CDK6: variants seen among roughly 807,000 people sequenced by gnomAD.
CDK6 encodes the protein cyclin dependent kinase 6.
In CDK6, 6 loss-of-function variants were observed where a neutral mutation model predicts 37.1. The observed-to-expected ratio is 0.16, with a 90% confidence interval of 0.09 to 0.32. The LOEUF is 0.32. Among genes scored for constraint, CDK6 ranks in the 10% least tolerant of loss-of-function variants. The probability of loss-of-function intolerance (pLI) is 1.00; values close to 1 mark genes in which losing one functional copy is unlikely to be tolerated. For synonymous variants in CDK6, 160 were observed against 161.3 expected (o/e 0.99, Z 0.06); for missense variants, 224 against 418.9 (o/e 0.53, Z 4.06).
chr7:92,622,333 T>G (rs573130211), intron 6 of CDK6, among the ~76,000 whole-genome samples: 2 of 152,322 alleles, frequency 1.3e-5, no homozygotes, highest in South Asian at 4.1e-4. Context: ...AGAAAGGATC[T>G]TATAGAGAAT....
intron 3 of CDK6, among the ~76,000 whole-genome samples, chr7:92,768,300 T>C (rs959353270): frequency 3.9e-5 from 6 of 152,204 alleles, no homozygotes; most frequent in Admixed American, 6.5e-5. Context: ...AAAGATCTAC[T>C]ATACTGTGAG....
At chr7:92,793,239 T>C (rs1800325656) in intron 2 of CDK6, among the ~76,000 whole-genome samples, 1 of 152,068 alleles carries the variant, frequency 6.6e-6, no homozygotes, top group South Asian at 2.1e-4. Context: ...TAGTAAAAAT[T>C]GACAAGCTGA....
chr7:92,745,705 G>T (rs1799041267), intron 3 of CDK6, among the ~76,000 whole-genome samples: 2 of 152,148 alleles, frequency 1.3e-5, no homozygotes, highest in South Asian at 4.2e-4. Context: ...AACTTTCCAT[G>T]AAAAAATTTT....
In CDK6 at chr7:92,615,234, G is replaced by C. The variant is rs981329813; in HGVS notation, c.887C>G (p.Ser296Cys). Residue 296 changes from serine (S) to cysteine (C), a missense_variant, in exon 8 of 8, where the codon TCT (serine) becomes TGT (cysteine). Physicochemically the swap from Ser to Cys is moderately radical, Grantham distance 112 (BLOSUM62 -1). Coordinates refer to ENST00000424848, the MANE Select transcript of CDK6 (RefSeq NM_001145306.2). ...TTCCAGGTCCTGGAAGTATGGGTGA[G>C]ACAGGGCACTGTAGGCAGATATTCT... The part of the protein sequence containing the change: ...AKRISAYSAL[S>C]HPYFQDLERC... 1 of 1,614,150 alleles carries C rather than the reference G, an allele frequency of 6.2e-7. No homozygotes were observed.
chr7:92,723,892 A>T (rs1798423299), intron 4 of CDK6, among the ~76,000 whole-genome samples: 1 of 150,700 alleles, frequency 6.6e-6, no homozygotes, highest in African/African-American at 2.5e-5. Context: ...TGTTACGCAC[A>T]AGCTCAAATT....
intron 3 of CDK6, among the ~76,000 whole-genome samples, chr7:92,750,846 G>T (rs1012184620): frequency 7.2e-5 from 11 of 152,064 alleles, no homozygotes; most frequent in African/African-American, 2.7e-4. Context: ...TGGCATAAAG[G>T]AAGTTTTTAA....
intron 5 of CDK6, among the ~76,000 whole-genome samples, chr7:92,671,061 A>G (rs1585385759): frequency 6.6e-6 from 1 of 152,200 alleles, no homozygotes; most frequent in East Asian, 1.9e-4. Context: ...TCATACACTT[A>G]ACAGCCTTGG....
At position 92,807,380 on chromosome 7, in the gene CDK6, GATT is replaced by G. The variant is rs1189068324; in HGVS notation, c.233+25708_233+25710del. Among the ~76,000 whole-genome samples, 7 of 151,630 alleles carry G rather than the reference GATT, an allele frequency of 4.6e-5. No homozygotes were observed. The South Asian group carries it at 1.2e-3, about 27-fold the overall frequency. ...TTCTGTATCTATATCTAGATATCTA[GATT>G]ATATATCTGTATCTAGAGATATCTA... On this transcript the variant is annotated intron_variant, in intron 2 of 7. Coordinates refer to ENST00000424848, the MANE Select transcript of CDK6 (RefSeq NM_001145306.2).
At chr7:92,788,073 G>A (rs1390055619) in intron 2 of CDK6, among the ~76,000 whole-genome samples, 1 of 152,070 alleles carries the variant, frequency 6.6e-6, no homozygotes, top group Non-Finnish European at 1.5e-5. Context: ...TGGAGAAGCT[G>A]GAAAAACTGG....
intron 2 of CDK6, among the ~76,000 whole-genome samples, chr7:92,822,779 T>C (rs1008263997): frequency 2.0e-5 from 3 of 152,128 alleles, no homozygotes; most frequent in African/African-American, 7.2e-5. Context: ...ATTGTAAGAA[T>C]GATAATCTGA....
intron 3 of CDK6, among the ~76,000 whole-genome samples, chr7:92,748,185 G>A (rs1799104928): frequency 6.6e-6 from 1 of 152,152 alleles, no homozygotes; most frequent in Admixed American, 6.5e-5. Flanking sequence ...GCTTTCCAGA[G>A]AATCTGAAGA....
rs553240359 is a variant in CDK6 at position 92,801,877 on chromosome 7, T to C, written c.234-27046A>G. On this transcript the variant is annotated intron_variant, in intron 2 of 7. Coordinates refer to ENST00000424848, the MANE Select transcript of CDK6 (RefSeq NM_001145306.2). ...CCACAAGTGATCCACCCGCCTTAGC[T>C]TTCCAAAAGTGCTGAGATTACAGGT... is the stretch of plus-strand genomic sequence containing the variant. 7.9e-5 allele frequency among the ~76,000 whole-genome samples: 12 copies of C among 152,052 alleles called. No homozygotes were observed. The East Asian group carries it at 2.3e-3, about 30-fold the overall frequency.
intron 3 of CDK6, among the ~76,000 whole-genome samples, chr7:92,754,916 G>A (rs964303069): frequency 2.6e-5 from 4 of 152,066 alleles, no homozygotes; most frequent in Non-Finnish European, 4.4e-5. Flanking sequence ...GTTTATTGCC[G>A]CTCTAGTCCC....
chr7:92,671,592 C>T (rs554445438), intron 4 of CDK6, 57 bp from the exon 5 acceptor site: 93 of 929,574 alleles, frequency 1.0e-4, no homozygotes, highest in Admixed American at 3.7e-4. Flanking sequence ...GCTTAGACTC[C>T]TGACTAAACC....
rs1273716962 is a variant in CDK6, at chr7:92,613,301, C to A, written c.*1839G>T. 1 of 233,332 alleles carries A rather than the reference C, an allele frequency of 4.3e-6. No individual in the cohort carries two copies. Among genetic ancestry groups the A allele is most frequent in the East Asian group, 6.0e-5 (1 of 16,572 alleles). 14.5% of individuals were successfully genotyped at this position (233,332 alleles called of 1,614,324 possible). A position where few individuals can be genotyped will look rare whatever the true frequency, so the allele number is the denominator to read the frequency against. ...CAACTTAATAATGCATAAACATGAT[C>A]TGAATTATTTTCTGAGTGCAGCAAC... On this transcript the variant is annotated 3_prime_UTR_variant, in exon 8 of 8. Transcript: ENST00000424848.
At chr7:92,642,373 C>T (rs527269774) in intron 5 of CDK6, among the ~76,000 whole-genome samples, 50 of 152,288 alleles carry the variant, frequency 3.3e-4, no homozygotes, top group African/African-American at 1.2e-3. Context: ...GTCATCACTT[C>T]ACTATTGAGT....
chr7:92,719,399 C>T (rs548604628), intron 4 of CDK6, among the ~76,000 whole-genome samples: 2 of 152,188 alleles, frequency 1.3e-5, no homozygotes, highest in Admixed American at 1.3e-4. Context: ...AAGTTTTGTA[C>T]TTTGTACAGC....
At chr7:92,655,716 T>C (rs1796679782) in intron 5 of CDK6, among the ~76,000 whole-genome samples, 1 of 152,236 alleles carries the variant, frequency 6.6e-6, no homozygotes. Context: ...GAAGAGCTGG[T>C]AGTATCCAGT....
At position 92,823,096 on chromosome 7, in the gene CDK6, GA is replaced by G. The variant is rs527278707; in HGVS notation, c.233+9994del. ...ACCTCTTACTTTTATCAACTAAAGT[GA>G]AAAAAAAAAAAACCAAACCTATACC... is the stretch of plus-strand genomic sequence containing the variant. On this transcript the variant is annotated intron_variant, in intron 2 of 7. Coordinates refer to ENST00000424848, the MANE Select transcript of CDK6 (RefSeq NM_001145306.2). 3.6e-3 allele frequency among the ~76,000 whole-genome samples: 467 copies of G among 129,114 alleles called. 2 individuals are homozygous for G. Among genetic ancestry groups the G allele is most frequent in the African/African-American group, 0.011 (377 of 35,256 alleles). 84.7% of individuals were successfully genotyped at this position (129,114 alleles called of 152,430 possible).
Sources: gnomAD v4.1 joint callset for allele counts (sites outside exome capture counted in the v4.1 genomes callset) on GRCh38, gnomAD v4.1.1 for gene constraint, MANE v1.5 for transcripts, NCBI Gene and HGNC (gene_info 2026-07-23, HGNC 2026-07-21) for gene names.